LAMA4: variants seen among roughly 807,000 people sequenced by gnomAD.
LAMA4 encodes the protein laminin subunit alpha 4.
In LAMA4, 127 loss-of-function variants were observed where a neutral mutation model predicts 207.1. That is an observed-to-expected ratio of 0.61 (90% confidence interval 0.53 to 0.71). LAMA4 has a LOEUF of 0.71. LAMA4 is among the 30% of genes least tolerant of loss of function. LAMA4 has a pLI of 0.00. For synonymous variants in LAMA4, 761 were observed against 816.0 expected (o/e 0.93, Z 1.15); for missense variants, 2,093 against 2,246.5 (o/e 0.93, Z 1.38).
intron 26 of LAMA4, 121 bp from the exon 27 acceptor site, chr6:112,133,608 C>T: frequency 8.1e-7 from 1 of 1,229,134 alleles, no homozygotes; most frequent in Non-Finnish European, 1.2e-6. Context: ...CATTCATATT[C>T]TCATGCTTTC....
chr6:112,173,166 C>T (rs931231460), intron 11 of LAMA4, among the ~76,000 whole-genome samples: 12 of 151,966 alleles, frequency 7.9e-5, no homozygotes, highest in African/African-American at 2.9e-4. Context: ...TAAAAATAAC[C>T]AAACTTATCT....
Position 112,114,207 on chromosome 6 carries a change from G to A in LAMA4, c.5207-12C>T, listed in dbSNP as rs782487010. ...AGAATCTCTAATAACTGAAATGCAGGGCAAAGACTGGTCATAAGTGGCACT... is the reference window on the plus strand; with the variant it reads ...AGAATCTCTAATAACTGAAATGCAGAGCAAAGACTGGTCATAAGTGGCACT... On this transcript the variant is annotated splice_polypyrimidine_tract_variant and intron_variant, in intron 37 of 38. Transcript: ENST00000230538. 1.9e-6 allele frequency: 3 copies of A among 1,613,062 alleles called. No homozygotes were observed. The highest frequency in any genetic ancestry group is 2.7e-5 in the African/African-American group (2 of 74,746).
At chr6:112,183,811 C>T (rs537196734) in intron 9 of LAMA4, among the ~76,000 whole-genome samples, 16 of 151,604 alleles carry the variant, frequency 1.1e-4, no homozygotes, top group African/African-American at 9.7e-5. Context: ...ATTAGCCAGG[C>T]GTGGTGGTGT....
At chr6:112,204,758 A>G (rs1783961213) in intron 4 of LAMA4, among the ~76,000 whole-genome samples, 1 of 152,206 alleles carries the variant, frequency 6.6e-6, no homozygotes, top group South Asian at 2.1e-4. Context: ...AAAATAACAG[A>G]ACAGTTAATG....
chr6:112,230,096 G>A (rs1270011946), intron 2 of LAMA4, among the ~76,000 whole-genome samples: 1 of 152,028 alleles, frequency 6.6e-6, no homozygotes, highest in African/African-American at 2.4e-5. Flanking sequence ...CATACAAAAT[G>A]GCTAGGATAT....
chr6:112,154,898 T>C lies in LAMA4; in HGVS notation c.2009A>G (p.Glu670Gly). The C allele has an allele frequency of 2.5e-6, 4 of 1,613,600 alleles. No individual in the cohort carries two copies. The highest frequency in any genetic ancestry group is 3.4e-6 in the Non-Finnish European group (4 of 1,179,532). ...TTCTCTGGCTTGATTGAGGAGGTTCTCACTTTCATCTTTATGGTAAATGAT... is the reference window on the plus strand; with the variant it reads ...TTCTCTGGCTTGATTGAGGAGGTTCCCACTTTCATCTTTATGGTAAATGAT... ...TQIIYHKDES[E>G]NLLNQARELQ... The change falls in exon 16 of 39, where the codon GAG becomes GGG. Residue 670 changes from glutamate (E) to glycine (G), a missense_variant. Around this residue, in one of 3 missense-constraint regions of LAMA4, gnomAD observed 1,704 missense variants for 1,788.4 expected, o/e 0.95. Coordinates refer to ENST00000230538, the MANE Select transcript of LAMA4 (RefSeq NM_001105206.3).
intron 5 of LAMA4, among the ~76,000 whole-genome samples, chr6:112,201,100 A>T (rs1232949663): frequency 6.6e-6 from 1 of 152,112 alleles, no homozygotes; most frequent in Non-Finnish European, 1.5e-5. Context: ...CAGAAAACCT[A>T]AACTCCTGTG....
rs60125059 is a variant in LAMA4 at position 112,133,240 on chromosome 6, G to A, written c.3696+109C>T. On this transcript the variant is annotated intron_variant, in intron 27 of 38. Coordinates refer to ENST00000230538, the MANE Select transcript of LAMA4 (RefSeq NM_001105206.3). ...TCTTCTTTCTGGTGGTGGCAGAAAG[G>A]AACCCAAGGTGTACCTAGGATCAGA... 9.7e-3 allele frequency: 11,486 copies of A among 1,182,330 alleles called. 785 individuals are homozygous for A. In the African/African-American group the frequency reaches 0.15, roughly 15 times the overall value. The allele number at this position is 1,182,330 out of a possible 1,614,324, so 73.2% of individuals were successfully genotyped here. A position where few individuals can be genotyped will look rare whatever the true frequency, so the allele number is the denominator to read the frequency against.
At chr6:112,203,630 T>G (rs1464561551) in intron 4 of LAMA4, among the ~76,000 whole-genome samples, 1 of 152,120 alleles carries the variant, frequency 6.6e-6, no homozygotes, top group Non-Finnish European at 1.5e-5. Context: ...GATGAACCCC[T>G]CCTCTCCTTT....
chr6:112,215,594 T>C (rs1554358339), intron 3 of LAMA4, among the ~76,000 whole-genome samples: 1 of 152,232 alleles, frequency 6.6e-6, no homozygotes, highest in East Asian at 1.9e-4. Flanking sequence ...AAGGAAAACA[T>C]GCTATTTGAG....
intron 2 of LAMA4, among the ~76,000 whole-genome samples, chr6:112,232,075 A>G (rs1414833061): frequency 6.6e-6 from 1 of 152,216 alleles, no homozygotes; most frequent in Non-Finnish European, 1.5e-5. Context: ...AAGCCTCAGA[A>G]GAATGGATCT....
chr6:112,160,870 A>G (rs2114807429), intron 13 of LAMA4, among the ~76,000 whole-genome samples: 1 of 152,308 alleles, frequency 6.6e-6, no homozygotes, highest in Middle Eastern at 3.4e-3. Flanking sequence ...TATTAAGAAA[A>G]TCTGACCATG....
intron 4 of LAMA4, among the ~76,000 whole-genome samples, chr6:112,201,924 C>G (rs1036398627): frequency 6.6e-6 from 1 of 152,150 alleles, no homozygotes; most frequent in Non-Finnish European, 1.5e-5. Context: ...ATATTTCAAG[C>G]ACTAGTCCAA....
rs11364561 is a variant in LAMA4 at position 112,246,520 on chromosome 6, C to CT, written c.195+7435dup. On this transcript the variant is annotated intron_variant, in intron 2 of 38. Transcript: ENST00000230538. Reference sequence around the variant, plus strand: ...TATTATCCTTGTCATATCAAAGCTGCTTTTTTTTTTTTTTTTTTGAGATAG... The same window carrying CT: ...TATTATCCTTGTCATATCAAAGCTGCTTTTTTTTTTTTTTTTTTTGAGATAG... Among the ~76,000 whole-genome samples the CT allele has an allele frequency of 3.2e-3, 415 of 127,806 alleles. 2 individuals carry two copies. Among genetic ancestry groups the CT allele is most frequent in the Middle Eastern group, 0.016 (4 of 250 alleles). The allele number at this position is 127,806 out of a possible 152,430, so 83.8% of individuals were successfully genotyped here. A position where few individuals can be genotyped will look rare whatever the true frequency, so the allele number is the denominator to read the frequency against.
intron 3 of LAMA4, among the ~76,000 whole-genome samples, chr6:112,211,258 C>T (rs1411384110): frequency 6.6e-6 from 1 of 152,212 alleles, no homozygotes; most frequent in African/African-American, 2.4e-5. Flanking sequence ...TTGCTAGTTA[C>T]ATACAGGGTT....
intron 4 of LAMA4, among the ~76,000 whole-genome samples, chr6:112,206,672 T>C (rs1784075513): frequency 6.6e-6 from 1 of 152,148 alleles, no homozygotes; most frequent in African/African-American, 2.4e-5. Flanking sequence ...GAAAATATGA[T>C]ATTATAATGA....
chr6:112,134,348 C>T, intron 26 of LAMA4, 119 bp downstream of exon 26: 1 of 952,786 alleles, frequency 1.0e-6, no homozygotes, highest in South Asian at 1.3e-5. Flanking sequence ...TGTACCTGTG[C>T]CTGTCCCTGT....
At chr6:112,206,913 G>T in intron 4 of LAMA4, 108 bp downstream of exon 4, 1 of 1,297,062 alleles carries the variant, frequency 7.7e-7, no homozygotes, top group Non-Finnish European at 1.1e-6. Flanking sequence ...ATGAGGTTTT[G>T]CCTGTGGAGA....
At chr6:112,234,925 G>A (rs1280484280) in intron 2 of LAMA4, among the ~76,000 whole-genome samples, 1 of 152,152 alleles carries the variant, frequency 6.6e-6, no homozygotes, top group Non-Finnish European at 1.5e-5. Flanking sequence ...AATATCTTCG[G>A]ATATCCAAAT....
Sources: gnomAD v4.1 joint callset for allele counts (sites outside exome capture counted in the v4.1 genomes callset) on GRCh38, gnomAD v4.1.1 for gene constraint, gnomAD v4.1.1 regional missense constraint, MANE v1.5 for transcripts, NCBI Gene and HGNC (gene_info 2026-07-23, HGNC 2026-07-21) for gene names.